The following GLOD4 variants were observed in gnomAD, a reference collection of about 807,000 sequenced individuals.
The protein encoded by GLOD4 is glyoxalase domain-containing protein 4.
GLOD4 carries 44 observed loss-of-function variants against 39.1 expected under a neutral mutation model. That is an observed-to-expected ratio of 1.13 (90% CI 0.88 to 1.45). The LOEUF (loss-of-function observed/expected upper bound fraction) is 1.45. Ranked by LOEUF, GLOD4 falls within the 40% of genes most tolerant of loss-of-function variation. The pLI is 0.00. For synonymous variants in GLOD4, 145 were observed against 135.0 expected, an observed-to-expected ratio of 1.07 and a Z score of -0.52; for missense variants, 405 against 366.4, an observed-to-expected ratio of 1.11 and a Z score of -0.86.
At chr17:762,787 G>T (rs1412969285) in intron 8 of GLOD4, among the ~76,000 whole-genome samples, 2 of 152,198 alleles carry the variant, frequency 1.3e-5, no homozygotes, top group African/African-American at 2.4e-5. Flanking sequence ...TCAGTGTATG[G>T]TATTCAAGGG....
At chr17:784,926 G>A (rs1910465462), upstream of GLOD4, among the ~76,000 whole-genome samples, 1 of 152,152 alleles carries the variant, frequency 6.6e-6, no homozygotes, top group Non-Finnish European at 1.5e-5. Flanking sequence ...TGGTGGATAG[G>A]CTTTTTACCT....
intron 6 of GLOD4, 63 bp from the exon 7 acceptor site, chr17:770,220 C>A: frequency 2.2e-6 from 2 of 898,488 alleles, no homozygotes; most frequent in Non-Finnish European, 3.7e-6. Flanking sequence ...CGGCCCTCGT[C>A]AGTCCTAGAG....
At chr17:783,711 T>A (rs1910373959), upstream of GLOD4, among the ~76,000 whole-genome samples, 1 of 152,220 alleles carries the variant, frequency 6.6e-6, no homozygotes, top group African/African-American at 2.4e-5. Flanking sequence ...AGCATTGAAA[T>A]GAAATTCAAA....
At chr17:782,673 C>A, upstream of GLOD4, 1 of 1,605,682 alleles carries the variant, frequency 6.2e-7, no homozygotes, top group Non-Finnish European at 8.5e-7. Flanking sequence ...TAAAGCTTAT[C>A]CCGGGGACAG....
intron 5 of GLOD4, chr17:771,065 C>G: frequency 3.5e-6 from 1 of 288,860 alleles, no homozygotes; most frequent in Non-Finnish European, 6.4e-6. Flanking sequence ...AAAGATCTTG[C>G]ATTAAATCCA....
chr17:775,255 A>G (rs1465220530), intron 4 of GLOD4, among the ~76,000 whole-genome samples: 2 of 151,154 alleles, frequency 1.3e-5, no homozygotes, highest in Non-Finnish European at 2.9e-5. Context: ...GGACTGACAG[A>G]GTCTCAAAAA....
chr17:762,247 G>A (rs1905587857), intron 8 of GLOD4, among the ~76,000 whole-genome samples: 1 of 152,174 alleles, frequency 6.6e-6, no homozygotes, highest in African/African-American at 2.4e-5. Flanking sequence ...AATCTAAAAC[G>A]ACTATTAAAT....
At chr17:775,742 G>A in intron 4 of GLOD4, 33 bp downstream of exon 4, 2 of 1,594,210 alleles carry the variant, frequency 1.3e-6, no homozygotes, top group Non-Finnish European at 1.7e-6. Flanking sequence ...GATGCCTTTA[G>A]ACAGAGGCTT....
At chr17:761,695 G>T (rs1373571095) in intron 8 of GLOD4, among the ~76,000 whole-genome samples, 1 of 152,136 alleles carries the variant, frequency 6.6e-6, no homozygotes, top group East Asian at 1.9e-4. Flanking sequence ...GTAGAGACAG[G>T]GTTTCACCAT....
rs1030821058 is a variant in GLOD4 at position 776,014 on chromosome 17, G to A, written c.262-95C>T. 4.4e-6 allele frequency: 4 copies of A among 912,592 alleles called. No homozygotes were observed. In the African/African-American group the frequency reaches 5.0e-5, roughly 11 times the overall value. 56.5% of individuals were successfully genotyped at this position (912,592 alleles called of 1,614,324 possible). ...CAACCCCTATTGCCTACTGCCTTTAGGTAAAATCACCTAAGATTTAACTGG... is the reference window on the plus strand; with the variant it reads ...CAACCCCTATTGCCTACTGCCTTTAAGTAAAATCACCTAAGATTTAACTGG... On this transcript the variant is annotated intron_variant, in intron 3 of 8. Coordinates refer to ENST00000301329, the MANE Select transcript of GLOD4 (RefSeq NM_016080.4).
At position 776,973 on chromosome 17, in the gene GLOD4, T is replaced by C. The variant is rs1909077301; in HGVS notation, c.156A>G (p.Lys52=). ...KAACNGPYDG[K]WSKTMVGFGP... is the part of the protein sequence containing the mutation. ...CAAATCCCACCATTGTTTTACTCCA[T>C]TTCCCATCATAAGGCCTAGAAAATA... Residue 52 remains lysine, a synonymous_variant, in exon 3 of 9, where the codon AAA becomes AAG. Coordinates refer to ENST00000301329, the MANE Select transcript of GLOD4 (RefSeq NM_016080.4). 4 of 1,609,062 alleles carry C rather than the reference T, an allele frequency of 2.5e-6. No homozygotes were observed. The East Asian group carries it at 6.7e-5, about 27-fold the overall frequency.
chr17:767,944 A>T, intron 8 of GLOD4, among the ~76,000 whole-genome samples: 1 of 136,924 alleles, frequency 7.3e-6, no homozygotes, highest in East Asian at 2.3e-4. Context: ...AGAGGACGTA[A>T]GAGAGAGAAA....
upstream of GLOD4, chr17:782,621 C>G: frequency 6.2e-7 from 1 of 1,613,938 alleles, no homozygotes; most frequent in Non-Finnish European, 8.5e-7. Context: ...AGTCCGCATC[C>G]CGCGCTCCCA....
intron 4 of GLOD4, among the ~76,000 whole-genome samples, chr17:772,819 C>A (rs1024386609): frequency 6.6e-6 from 1 of 151,998 alleles, no homozygotes; most frequent in African/African-American, 2.4e-5. Context: ...CACGGTGAAA[C>A]CCCGTCTCTA....
intron 8 of GLOD4, among the ~76,000 whole-genome samples, chr17:766,065 GAT>G (rs1906480479): frequency 6.6e-6 from 1 of 151,934 alleles, no homozygotes; most frequent in South Asian, 2.1e-4. Context: ...GGGAGGCCAA[GAT>G]GGATCGAATG....
At chr17:775,382 G>C (rs1347313539) in intron 4 of GLOD4, among the ~76,000 whole-genome samples, 1 of 152,222 alleles carries the variant, frequency 6.6e-6, no homozygotes, top group Non-Finnish European at 1.5e-5. Flanking sequence ...TTCTAGGAGA[G>C]GTACCCGCAG....
At chr17:776,053 C>G (rs1333888181) in intron 3 of GLOD4, 134 bp from the exon 4 acceptor site, 8 of 652,446 alleles carry the variant, frequency 1.2e-5, no homozygotes, top group Non-Finnish European at 2.1e-5. Context: ...CCAACATTTT[C>G]TTCTAGTGAT....
At chr17:782,327 T>A (rs748053706), upstream of GLOD4, 12 of 1,611,774 alleles carry the variant, frequency 7.4e-6, no homozygotes, top group South Asian at 1.3e-4. Context: ...GGCCGTGACG[T>A]CACTAGCCGC....
chr17:770,090 T>C lies in GLOD4; in HGVS notation c.698A>G (p.Asp233Gly), dbSNP rs116072465. ...CTGTACTGTTGCTTTCCCTGGGGTGTCCAGGCTCACCAGGGGAGTCAGAAT... is the reference window on the plus strand; with the variant it reads ...CTGTACTGTTGCTTTCCCTGGGGTGCCCAGGCTCACCAGGGGAGTCAGAAT... ...QKILTPLVSL[D>G]TPGKATVQVV... Residue 233 changes from aspartate to glycine, a missense_variant, in exon 7 of 9, where the codon GAC becomes GGC. Transcript: ENST00000301329. The C allele has an allele frequency of 8.0e-4, 1,298 of 1,612,818 alleles. 1 individual carries two copies. The highest frequency in any genetic ancestry group is 9.7e-4 in the Non-Finnish European group (1,138 of 1,178,842).
Sources: allele counts gnomAD v4.1 joint callset (sites outside exome capture counted in the v4.1 genomes callset), GRCh38; gene constraint gnomAD v4.1.1; transcripts MANE v1.5; gene names NCBI Gene and HGNC (gene_info 2026-07-23, HGNC 2026-07-21).